ANKS1B: variants seen among roughly 807,000 people sequenced by gnomAD.
ANKS1B encodes the protein ankyrin repeat and sterile alpha motif domain-containing protein 1B.
Under a neutral mutation model 148.3 loss-of-function variants are expected in ANKS1B, and 36 were observed. The ratio of observed to expected loss-of-function variants is 0.24; its 90% CI spans 0.19 to 0.32. The LOEUF is 0.32. Ranked by LOEUF, ANKS1B falls within the 10% of genes least tolerant of loss-of-function variation. ANKS1B has a pLI of 1.00. For missense variants in ANKS1B, 1,157 were observed against 1,542.6 expected (o/e 0.75, Z 4.19); for synonymous variants, 542 against 560.8 (o/e 0.97, Z 0.47).
chr12:99,929,626 T>C (rs904025912), intron 1 of ANKS1B, among the ~76,000 whole-genome samples: 5 of 152,172 alleles, frequency 3.3e-5, no homozygotes, highest in Non-Finnish European at 7.4e-5. Flanking sequence ...TTTTTATGGT[T>C]TTAGGTCTAA....
At chr12:98,807,698 G>C in intron 20 of ANKS1B, 146 bp downstream of exon 20, 1 of 523,598 alleles carries the variant, frequency 1.9e-6, no homozygotes, top group East Asian at 3.2e-5. Flanking sequence ...AGTAAATGAA[G>C]TATAATAGAC....
rs759625732 is a variant in ANKS1B, at chr12:99,059,788, C to CAT, written c.2626-6481_2626-6480dup. Reference sequence around the variant, plus strand: ...TAAGCCCAAAGACAAAACTAAAATTCATATATATATATATATATGATAGGA... The same window carrying CAT: ...TAAGCCCAAAGACAAAACTAAAATTCATATATATATATATATATATGATAGGA... On this transcript the variant is annotated intron_variant, in intron 16 of 26. Transcript: ENST00000683438. Among the ~76,000 whole-genome samples the CAT allele has an allele frequency of 8.0e-3, 720 of 90,250 alleles. 46 individuals are homozygous for CAT. The highest frequency in any genetic ancestry group is 0.067 in the East Asian group (130 of 1,950). The allele number at this position is 90,250 out of a possible 152,430, so 59.2% of individuals were successfully genotyped here.
chr12:99,762,975 T>C (rs2062288935), intron 8 of ANKS1B, among the ~76,000 whole-genome samples: 1 of 151,854 alleles, frequency 6.6e-6, no homozygotes, highest in African/African-American at 2.4e-5. Flanking sequence ...TGACTATTAT[T>C]AAAAAGTTAA....
rs117723116 is a variant in ANKS1B at position 99,422,902 on chromosome 12, G to A, written c.1575+20771C>T. On this transcript the variant is annotated intron_variant, in intron 11 of 26. Transcript: ENST00000683438. ...TAAGGGTGGAATTTAGAGAATGTGT[G>A]AAAAGTTTGATGTTTAGAGAGGCAG... 2.4e-3 allele frequency among the ~76,000 whole-genome samples: 369 copies of A among 152,302 alleles called. 2 individuals are homozygous for A. Among genetic ancestry groups the A allele is most frequent in the Non-Finnish European group, 4.2e-3 (284 of 68,016 alleles).
At chr12:99,653,588 A>G (rs1227957746) in intron 9 of ANKS1B, among the ~76,000 whole-genome samples, 1 of 151,502 alleles carries the variant, frequency 6.6e-6, no homozygotes, top group Non-Finnish European at 1.5e-5. Context: ...TCATTCAACT[A>G]TTACTTCATT....
intron 17 of ANKS1B, among the ~76,000 whole-genome samples, chr12:98,984,462 A>G (rs1322206305): frequency 2.0e-5 from 3 of 152,196 alleles, no homozygotes; most frequent in Non-Finnish European, 4.4e-5. Flanking sequence ...ACAATTTACT[A>G]TAAGCAACAA....
chr12:99,510,954 T>C (rs1455688405), intron 9 of ANKS1B, among the ~76,000 whole-genome samples: 2 of 151,972 alleles, frequency 1.3e-5, no homozygotes, highest in African/African-American at 4.8e-5. Flanking sequence ...AGATACAGGA[T>C]CATGTGATCT....
At chr12:99,735,164 C>T (rs376013604) in intron 8 of ANKS1B, among the ~76,000 whole-genome samples, 2 of 152,074 alleles carry the variant, frequency 1.3e-5, no homozygotes, top group African/African-American at 4.8e-5. Context: ...CATCAAGAAA[C>T]GTAGAAAGAT....
chr12:99,881,251 G>C (rs911392219), intron 1 of ANKS1B, among the ~76,000 whole-genome samples: 48 of 152,268 alleles, frequency 3.2e-4, no homozygotes, highest in African/African-American at 1.2e-3. Flanking sequence ...GGAAATTCCA[G>C]GTTTTTCTCT....
At chr12:99,033,317 G>C (rs2099953450) in intron 17 of ANKS1B, among the ~76,000 whole-genome samples, 1 of 152,182 alleles carries the variant, frequency 6.6e-6, no homozygotes. Context: ...GCACTTTTAA[G>C]TGTGTAAGTA....
chr12:99,420,900 C>A (rs899191212), intron 11 of ANKS1B, among the ~76,000 whole-genome samples: 4 of 152,254 alleles, frequency 2.6e-5, no homozygotes, highest in African/African-American at 9.6e-5. Flanking sequence ...CTTTATGTTT[C>A]TAACTAATTC....
chr12:99,923,272 T>C (rs903868073), intron 1 of ANKS1B, among the ~76,000 whole-genome samples: 1 of 152,194 alleles, frequency 6.6e-6, no homozygotes, highest in Non-Finnish European at 1.5e-5. Context: ...GGTGCTAATG[T>C]ATAAATAGAA....
chr12:99,332,182 T>C (rs1223715995), intron 12 of ANKS1B, among the ~76,000 whole-genome samples: 3 of 152,016 alleles, frequency 2.0e-5, no homozygotes, highest in Non-Finnish European at 2.9e-5. Flanking sequence ...TTATTAGAAG[T>C]GCAGAATTAT....
At chr12:99,870,365 T>C (rs553785580) in intron 1 of ANKS1B, among the ~76,000 whole-genome samples, 1 of 152,256 alleles carries the variant, frequency 6.6e-6, no homozygotes, top group Admixed American at 6.5e-5. Context: ...GTTGATTCCA[T>C]GTCTTTACTA....
chr12:99,745,328 A>G (rs1385386051), intron 8 of ANKS1B, among the ~76,000 whole-genome samples: 7 of 152,230 alleles, frequency 4.6e-5, no homozygotes. Context: ...GCATAAGAAC[A>G]GTAAACATTG....
rs575312068 is a variant in ANKS1B, at chr12:99,875,281, A to T, written c.135-49892T>A. ...AAAATGTTGGATTTGGCAAAATTTA[A>T]AATAAATTTTGCCAAGTCCTTAAGT... On this transcript the variant is annotated intron_variant, in intron 1 of 26. Coordinates refer to ENST00000683438, the MANE Select transcript of ANKS1B (RefSeq NM_001352186.2). Among the ~76,000 whole-genome samples, 4 of 152,308 alleles carry T rather than the reference A, an allele frequency of 2.6e-5. No homozygotes were observed. The East Asian group carries it at 5.8e-4, about 22-fold the overall frequency.
chr12:99,488,921 A>G (rs752304724), intron 10 of ANKS1B, among the ~76,000 whole-genome samples: 1 of 152,194 alleles, frequency 6.6e-6, no homozygotes, highest in Non-Finnish European at 1.5e-5. Context: ...CCATGATGAC[A>G]GAGCCATTAT....
intron 15 of ANKS1B, among the ~76,000 whole-genome samples, chr12:99,126,966 T>C (rs1257859271): frequency 6.6e-6 from 1 of 152,066 alleles, no homozygotes; most frequent in Non-Finnish European, 1.5e-5. Context: ...ATTTGAGTCA[T>C]GATGGAAACC....
chr12:99,440,968 C>T (rs558765319), intron 11 of ANKS1B, among the ~76,000 whole-genome samples: 1 of 151,946 alleles, frequency 6.6e-6, no homozygotes, highest in South Asian at 2.1e-4. Flanking sequence ...AACACATCAG[C>T]TAATGGTCAA....
Sources: allele counts gnomAD v4.1 joint callset (sites outside exome capture counted in the v4.1 genomes callset), GRCh38; gene constraint gnomAD v4.1.1; transcripts MANE v1.5; gene names NCBI Gene and HGNC (gene_info 2026-07-23, HGNC 2026-07-21).